The following REDIC1 variants were observed in gnomAD, a reference collection of about 807,000 sequenced individuals.
The protein encoded by REDIC1 is regulator of DNA class I crossover intermediates 1.
At chr12:39,665,051 T>C in the REDIC1 span, among the ~76,000 whole-genome samples, 156 of 152,340 alleles carry the variant, frequency 1.0e-3, no homozygotes, top group African/African-American at 3.4e-3. Flanking sequence ...TAGTTTCTTT[T>C]GCTGTGCAGA....
chr12:39,672,085 C>T, the REDIC1 span, among the ~76,000 whole-genome samples: 1 of 151,924 alleles, frequency 6.6e-6, no homozygotes, highest in Non-Finnish European at 1.5e-5. Context: ...ACAAGTGGCA[C>T]TGGTGGTGGC....
the REDIC1 span, among the ~76,000 whole-genome samples, chr12:39,693,405 G>A: frequency 1.3e-5 from 2 of 149,486 alleles, 1 homozygote; most frequent in Middle Eastern, 6.6e-3. Flanking sequence ...ATTTCCTTCT[G>A]CAACATGAGT....
chr12:39,693,836 A>G, the REDIC1 span, among the ~76,000 whole-genome samples: 6 of 152,162 alleles, frequency 3.9e-5, no homozygotes, highest in African/African-American at 1.4e-4. Context: ...TAAAGGAGAA[A>G]TATGCTGGTA....
At chr12:39,682,866 G>A in the REDIC1 span, 1 of 1,612,602 alleles carries the variant, frequency 6.2e-7, no homozygotes, top group East Asian at 2.2e-5. Flanking sequence ...ATGAGCAAAG[G>A]ATAAAGAAAA....
the REDIC1 span, among the ~76,000 whole-genome samples, chr12:39,709,650 C>T: frequency 6.6e-5 from 10 of 151,618 alleles, no homozygotes; most frequent in South Asian, 1.9e-3. Context: ...GGTTCATCCA[C>T]TTTGTAGTAT....
At chr12:39,736,662 T>C in the REDIC1 span, 2 of 152,228 alleles carry the variant, frequency 1.3e-5, no homozygotes, top group African/African-American at 4.8e-5. Flanking sequence ...CAAGGCTATG[T>C]CGTAAAAGGT....
the REDIC1 span, among the ~76,000 whole-genome samples, chr12:39,866,468 T>G: frequency 6.6e-6 from 1 of 152,212 alleles, no homozygotes. Context: ...ATTTTAAATG[T>G]CATAATGTAT....
the REDIC1 span, chr12:39,721,089 G>A: frequency 1.2e-6 from 2 of 1,613,772 alleles, no homozygotes; most frequent in South Asian, 1.1e-5. Context: ...TACAAACAGA[G>A]AGTGAATCTG....
At chr12:39,739,252 G>T in the REDIC1 span, among the ~76,000 whole-genome samples, 1 of 152,088 alleles carries the variant, frequency 6.6e-6, no homozygotes, top group Non-Finnish European at 1.5e-5. Context: ...ACTTATAGAG[G>T]ACCTACCATA....
chr12:39,650,097 G>C, the REDIC1 span: 2 of 902,184 alleles, frequency 2.2e-6, no homozygotes, highest in African/African-American at 1.7e-5. This position sits in a 1 kb window ranked among gnomAD's most constrained non-coding sequence, Gnocchi z 4.3. Flanking sequence ...TCAATAAGTA[G>C]TAAAATTACT....
At chr12:39,712,896 T>C in the REDIC1 span, among the ~76,000 whole-genome samples, 8 of 146,554 alleles carry the variant, frequency 5.5e-5, no homozygotes, top group Non-Finnish European at 1.2e-4. Flanking sequence ...TATATGCATA[T>C]ACGTGTATAT....
chr12:39,783,255 T>G, the REDIC1 span, among the ~76,000 whole-genome samples: 1 of 152,252 alleles, frequency 6.6e-6, no homozygotes, highest in Non-Finnish European at 1.5e-5. Flanking sequence ...CACATTTTCT[T>G]AATTCACTCT....
chr12:39,674,007 A>AT, the REDIC1 span, among the ~76,000 whole-genome samples: 1 of 152,174 alleles, frequency 6.6e-6, no homozygotes, highest in Non-Finnish European at 1.5e-5. Context: ...TGAATTTTAT[A>AT]TTTATCTATA....
At chr12:39,768,412 A>T in the REDIC1 span, among the ~76,000 whole-genome samples, 1 of 152,080 alleles carries the variant, frequency 6.6e-6, no homozygotes, top group African/African-American at 2.4e-5. Context: ...CAATTTGGCT[A>T]TTTGGTGCAA....
the REDIC1 span, among the ~76,000 whole-genome samples, chr12:39,878,414 T>C: frequency 1.3e-5 from 2 of 152,212 alleles, no homozygotes; most frequent in Non-Finnish European, 2.9e-5. Flanking sequence ...CGGTGAAGTC[T>C]AGACTGCTGA....
the REDIC1 span, among the ~76,000 whole-genome samples, chr12:39,670,563 G>T: frequency 6.6e-6 from 1 of 152,096 alleles, no homozygotes; most frequent in Non-Finnish European, 1.5e-5. Context: ...TTTCTTTTGG[G>T]ATCCTTTAGT....
the REDIC1 span, among the ~76,000 whole-genome samples, chr12:39,635,436 A>G: frequency 6.6e-6 from 1 of 152,202 alleles, no homozygotes; most frequent in Non-Finnish European, 1.5e-5. Context: ...AATGTGGCAC[A>G]TATACACCAT....
the REDIC1 span, among the ~76,000 whole-genome samples, chr12:39,826,260 T>G: frequency 5.3e-5 from 8 of 151,954 alleles, no homozygotes; most frequent in Non-Finnish European, 1.0e-4. Context: ...TTGTTTTTGT[T>G]TTTTTGACTT....
At chr12:39,759,301 A>T in the REDIC1 span, 3 of 152,296 alleles carry the variant, frequency 2.0e-5, no homozygotes, top group South Asian at 6.2e-4. Flanking sequence ...TTCCTAGCTC[A>T]TCTGCGCAAA....
Sources: gnomAD v4.1 joint callset for allele counts (sites outside exome capture counted in the v4.1 genomes callset) on GRCh38, gnomAD v4.1.1 for gene constraint, Gnocchi (gnomAD v3.1) non-coding constraint, MANE v1.5 for transcripts, NCBI Gene and HGNC (gene_info 2026-07-23, HGNC 2026-07-21) for gene names.